CC2D2B: variants seen among roughly 807,000 people sequenced by gnomAD.
The protein encoded by CC2D2B is protein CC2D2B.
CC2D2B carries 128 observed loss-of-function variants against 161.2 expected under a neutral mutation model. The ratio of observed to expected loss-of-function variants is 0.79; its 90% CI spans 0.69 to 0.92. CC2D2B has a LOEUF of 0.92. Ranked by LOEUF, CC2D2B falls within the 40% of genes least tolerant of loss-of-function variation. The probability of loss-of-function intolerance (pLI) is 0.00; values close to 1 mark genes in which losing one functional copy is unlikely to be tolerated. For synonymous variants in CC2D2B, 391 were observed against 449.8 expected (o/e 0.87, Z 1.65); for missense variants, 1,173 against 1,375.1 (o/e 0.85, Z 2.32).
At chr10:96,024,244 CAT>C (rs1491223190) in intron 32 of CC2D2B, among the ~76,000 whole-genome samples, 3 of 129,034 alleles carry the variant, frequency 2.3e-5, no homozygotes, top group African/African-American at 5.5e-5. Flanking sequence ...TGTGTATGTG[CAT>C]GTGTGTGTGT....
At chr10:95,973,790 G>A (rs1336649521) in intron 16 of CC2D2B, among the ~76,000 whole-genome samples, 1 of 151,810 alleles carries the variant, frequency 6.6e-6, no homozygotes, top group Admixed American at 6.6e-5. Flanking sequence ...GAACCCAGGA[G>A]GTGGAGGTTG....
chr10:96,005,920 A>C (rs544787052), intron 25 of CC2D2B, among the ~76,000 whole-genome samples: 1 of 152,156 alleles, frequency 6.6e-6, no homozygotes, highest in South Asian at 2.1e-4. Context: ...AAAATGTATT[A>C]GCATATAAAT....
chr10:95,916,093 T>A (rs1356657901), intron 2 of CC2D2B, among the ~76,000 whole-genome samples: 1 of 152,188 alleles, frequency 6.6e-6, no homozygotes, highest in East Asian at 1.9e-4. Flanking sequence ...TATTGGTCTA[T>A]TCAAGTTTTG....
Position 95,995,376 on chromosome 10 carries a change from A to G in CC2D2B, c.2739+11A>G. 2 of 1,305,640 alleles carry G rather than the reference A, an allele frequency of 1.5e-6. No individual in the cohort carries two copies. The highest frequency in any genetic ancestry group is 1.1e-6 in the Non-Finnish European group (1 of 947,864). 80.9% of individuals were successfully genotyped at this position (1,305,640 alleles called of 1,614,324 possible). A position where few individuals can be genotyped will look rare whatever the true frequency, so the allele number is the denominator to read the frequency against. On this transcript the variant is annotated intron_variant, in intron 23 of 34. Coordinates refer to ENST00000646931, the MANE Select transcript of CC2D2B (RefSeq NM_001349008.3). ...GAGACCTTACATGAGGTAAGTATTTAACACTTCTATAAAGTATAATATTGA... is the reference window on the plus strand; with the variant it reads ...GAGACCTTACATGAGGTAAGTATTTGACACTTCTATAAAGTATAATATTGA...
At chr10:95,940,351 A>G (rs988155364) in intron 9 of CC2D2B, among the ~76,000 whole-genome samples, 16 of 152,300 alleles carry the variant, frequency 1.1e-4, no homozygotes, top group Non-Finnish European at 2.2e-4. Context: ...GATCCAAACC[A>G]TATCACTCTT....
intron 3 of CC2D2B, 79 bp from the exon 4 acceptor site, chr10:95,924,235 T>G: frequency 1.4e-6 from 1 of 715,274 alleles, no homozygotes; most frequent in South Asian, 2.2e-5. Context: ...TTAAAGAATT[T>G]AATAAATACT....
intron 9 of CC2D2B, among the ~76,000 whole-genome samples, chr10:95,947,842 G>T (rs1304068020): frequency 6.6e-6 from 1 of 152,088 alleles, no homozygotes; most frequent in Non-Finnish European, 1.5e-5. Flanking sequence ...GGACAATCTG[G>T]TATCAAAATG....
At chr10:95,955,813 C>T (rs1336696109) in intron 11 of CC2D2B, among the ~76,000 whole-genome samples, 1 of 152,102 alleles carries the variant, frequency 6.6e-6, no homozygotes, top group Non-Finnish European at 1.5e-5. Context: ...TGCACATTTA[C>T]ACATGTGCAA....
intron 33 of CC2D2B, among the ~76,000 whole-genome samples, chr10:96,025,647 C>A (rs141724859): frequency 1.9e-3 from 292 of 152,358 alleles, no homozygotes; most frequent in Non-Finnish European, 3.4e-3. Flanking sequence ...AACGGCAGTA[C>A]TGCCACAGCT....
At chr10:95,977,399 AAAAC>A (rs958729372) in intron 17 of CC2D2B, among the ~76,000 whole-genome samples, 2 of 152,074 alleles carry the variant, frequency 1.3e-5, no homozygotes, top group Admixed American at 1.3e-4. Flanking sequence ...CAGAAAACCA[AAAAC>A]AAACAAACAA....
chr10:95,999,052 G>T (rs529550835), intron 24 of CC2D2B, among the ~76,000 whole-genome samples: 3 of 152,258 alleles, frequency 2.0e-5, no homozygotes, highest in African/African-American at 7.2e-5. Context: ...CTGCACTCCA[G>T]CCTGGGCGAC....
chr10:96,000,794 G>T (rs2078458493), intron 24 of CC2D2B: 1 of 152,104 alleles, frequency 6.6e-6, no homozygotes, highest in Non-Finnish European at 1.5e-5. Context: ...TTGATGAAAA[G>T]AAGTTTTAAA....
chr10:95,936,952 A>G (rs899582263), intron 6 of CC2D2B, among the ~76,000 whole-genome samples: 5 of 152,166 alleles, frequency 3.3e-5, no homozygotes, highest in African/African-American at 4.8e-5. Context: ...GGGATCTTCA[A>G]AGAGAGCCCC....
intron 9 of CC2D2B, among the ~76,000 whole-genome samples, chr10:95,941,499 A>G (rs1346618608): frequency 6.6e-6 from 1 of 152,198 alleles, no homozygotes; most frequent in Non-Finnish European, 1.5e-5. Context: ...TCAGTAACAA[A>G]TTAAAAAATG....
chr10:96,019,993 C>A, intron 32 of CC2D2B, 169 bp downstream of exon 32: 1 of 522,662 alleles, frequency 1.9e-6, no homozygotes, highest in East Asian at 3.5e-5. Context: ...GGCTCTTTCC[C>A]CTACTTGCAG....
At position 95,924,838 on chromosome 10, in the gene CC2D2B, G is replaced by A. The variant is rs763208864; in HGVS notation, c.234G>A (p.Arg78=). Residue 78 remains arginine (R), a synonymous_variant, in exon 5 of 35, where the codon AGG becomes AGA. Coordinates refer to ENST00000646931, the MANE Select transcript of CC2D2B (RefSeq NM_001349008.3). ...EQLIDSEIHQ[R]SKLSPQTEVS... is the part of the protein sequence containing the mutation. ...TCATTGATAGCGAAATACATCAAAGGTCCAAGGTGAATAACTTTTCTCTTT... is the reference window on the plus strand; with the variant it reads ...TCATTGATAGCGAAATACATCAAAGATCCAAGGTGAATAACTTTTCTCTTT... 3.4e-5 allele frequency: 53 copies of A among 1,542,912 alleles called. No homozygotes were observed. The highest frequency in any genetic ancestry group is 4.4e-5 in the Non-Finnish European group (50 of 1,139,778).
chr10:95,937,533 CT>C (rs74309113), intron 6 of CC2D2B, among the ~76,000 whole-genome samples: 20,349 of 145,354 alleles, frequency 0.14, 2,462 homozygotes, highest in African/African-American at 0.32. Flanking sequence ...TTTCTTCTTT[CT>C]TTTTTTTTTT....
At position 95,982,111 on chromosome 10, in the gene CC2D2B, AC is replaced by A. The variant is rs2077550755; in HGVS notation, c.2081del (p.Thr694SerfsTer3). The A allele has an allele frequency of 8.1e-7, 1 of 1,227,760 alleles. No homozygotes were observed. Among genetic ancestry groups the A allele is most frequent in the South Asian group, 4.1e-5 (1 of 24,246 alleles). 76.1% of individuals were successfully genotyped at this position (1,227,760 alleles called of 1,614,324 possible). A position where few individuals can be genotyped will look rare whatever the true frequency, so the allele number is the denominator to read the frequency against. ...ATATTCTGATTTAATGGAATCTGTTACGGTAAGTTAAAGCAAATATCAATAC... is the reference window on the plus strand; with the variant it reads ...ATATTCTGATTTAATGGAATCTGTTAGGTAAGTTAAAGCAAATATCAATAC... ...PEYSDLMESVTYMRLKGQDIP... is the reference protein window; with the variant it reads ...PEYSDLMESVXYMRLKGQDIP... On this transcript the variant is annotated frameshift_variant and splice_region_variant, in exon 18 of 35. Transcript: ENST00000646931. LOFTEE classifies it high-confidence loss of function.
chr10:95,939,714 A>G (rs1001373723), intron 9 of CC2D2B, among the ~76,000 whole-genome samples: 1 of 152,160 alleles, frequency 6.6e-6, no homozygotes, highest in Admixed American at 6.6e-5. Context: ...TTGAAGTTTT[A>G]ATCTGCATTT....
Sources: gnomAD v4.1 joint callset for allele counts (sites outside exome capture counted in the v4.1 genomes callset) on GRCh38, gnomAD v4.1.1 for gene constraint, MANE v1.5 for transcripts, NCBI Gene and HGNC (gene_info 2026-07-23, HGNC 2026-07-21) for gene names.